The following LOXL2 variants were observed in gnomAD, a reference collection of about 807,000 sequenced individuals.
LOXL2 encodes lysyl oxidase homolog 2.
LOXL2 carries 70 observed loss-of-function variants against 93.0 expected under a neutral mutation model. The observed-to-expected ratio is 0.75, with a 90% CI of 0.62 to 0.92. The LOEUF (loss-of-function observed/expected upper bound fraction) is 0.92. LOXL2 is among the 40% of genes least tolerant of loss of function. The pLI, the probability that LOXL2 is intolerant of heterozygous loss-of-function variation, is 0.00. For synonymous variants in LOXL2, 438 were observed against 413.2 expected, an observed-to-expected ratio of 1.06 and a Z score of -0.73; for missense variants, 973 against 1,054.9, an observed-to-expected ratio of 0.92 and a Z score of 1.08.
intron 4 of LOXL2, among the ~76,000 whole-genome samples, chr8:23,335,361 TG>T (rs2117175059): frequency 6.6e-6 from 1 of 152,302 alleles, no homozygotes; most frequent in Admixed American, 6.5e-5. Context: ...GTGCCTGGCC[TG>T]TTGTGACAGT....
At chr8:23,361,693 TAGAC>T (rs1430463831) in intron 2 of LOXL2, among the ~76,000 whole-genome samples, 1 of 151,876 alleles carries the variant, frequency 6.6e-6, no homozygotes, top group African/African-American at 2.4e-5. Flanking sequence ...TACAAAAAAT[TAGAC>T]AGGCGTGGTG....
At chr8:23,383,859 A>G (rs1444224374) in intron 1 of LOXL2, among the ~76,000 whole-genome samples, 4 of 151,606 alleles carry the variant, frequency 2.6e-5, no homozygotes, top group Admixed American at 6.6e-5. Context: ...ACGGGGTTTC[A>G]CCGTGTTAGC....
At chr8:23,332,928 G>A (rs1394043367) in intron 5 of LOXL2, among the ~76,000 whole-genome samples, 1 of 148,492 alleles carries the variant, frequency 6.7e-6, no homozygotes, top group Non-Finnish European at 1.5e-5. Context: ...GAGGGGGGGT[G>A]TTTCACATAA....
At chr8:23,332,419 C>T (rs1803703543) in intron 5 of LOXL2, among the ~76,000 whole-genome samples, 1 of 141,486 alleles carries the variant, frequency 7.1e-6, no homozygotes, top group Non-Finnish European at 1.5e-5. Context: ...CACCGCCACA[C>T]ACCCACAAAC....
At chr8:23,308,057 T>C (rs922285892) in intron 10 of LOXL2, among the ~76,000 whole-genome samples, 9 of 149,762 alleles carry the variant, frequency 6.0e-5, no homozygotes, top group Non-Finnish European at 1.0e-4. Context: ...CGAGCCGGGA[T>C]TCCTGCTCTC....
At chr8:23,375,422 A>G (rs56195352) in intron 1 of LOXL2, among the ~76,000 whole-genome samples, 22,284 of 151,608 alleles carry the variant, frequency 0.15, 1,608 homozygotes, top group East Asian at 0.22. Context: ...TTGACTTGGC[A>G]ATGCAGGCTC....
rs1585338292 is a variant in LOXL2, at chr8:23,297,733, C to T, written c.*310G>A. 1.3e-5 allele frequency: 3 copies of T among 222,986 alleles called. No individual in the cohort carries two copies. The East Asian group carries it at 2.7e-4, about 20-fold the overall frequency. 13.8% of individuals were successfully genotyped at this position (222,986 alleles called of 1,614,324 possible). A position where few individuals can be genotyped will look rare whatever the true frequency, so the allele number is the denominator to read the frequency against. On this transcript the variant is annotated 3_prime_UTR_variant, in exon 14 of 14. Coordinates refer to ENST00000389131, the MANE Select transcript of LOXL2 (RefSeq NM_002318.3). ...GGTGAGCTCGGTGGCTTGAATGGGACAAGCTGATGACAACCTGTCTGTGGG... is the reference window on the plus strand; with the variant it reads ...GGTGAGCTCGGTGGCTTGAATGGGATAAGCTGATGACAACCTGTCTGTGGG...
intron 12 of LOXL2, among the ~76,000 whole-genome samples, chr8:23,300,852 C>A (rs1585339738): frequency 6.6e-6 from 1 of 152,210 alleles, no homozygotes; most frequent in East Asian, 1.9e-4. Context: ...AAAATGATAG[C>A]AAACCTCAAA....
At chr8:23,349,212 A>AT (rs1178275714) in intron 3 of LOXL2, among the ~76,000 whole-genome samples, 5 of 152,158 alleles carry the variant, frequency 3.3e-5, no homozygotes, top group African/African-American at 9.7e-5. Context: ...TAATGTCGTC[A>AT]TCTCACCTAG....
chr8:23,357,237 T>A (rs1436764462), intron 3 of LOXL2, among the ~76,000 whole-genome samples: 3 of 152,068 alleles, frequency 2.0e-5, no homozygotes, highest in African/African-American at 7.2e-5. Context: ...GCCTGGCTAA[T>A]TTCTGTATTT....
chr8:23,328,556 C>A lies in LOXL2; in HGVS notation c.976G>T (p.Val326Leu). ...RKAYKPEQPL[V>L]RLRGGAYIGE... Reference sequence around the variant, plus strand: ...ATGTAGGCACCGCCTCTCAGTCGCACCAGGGGTTGCTGAAGAGACACACGG... The same window carrying A: ...ATGTAGGCACCGCCTCTCAGTCGCAACAGGGGTTGCTGAAGAGACACACGG... The change falls in exon 6 of 14, where the codon GTG (valine) becomes TTG (leucine). Residue 326 changes from valine to leucine, a missense_variant. Physicochemically the swap from Val to Leu is conservative, Grantham distance 32 (BLOSUM62 1). Coordinates refer to ENST00000389131, the MANE Select transcript of LOXL2 (RefSeq NM_002318.3). 1.2e-6 allele frequency: 2 copies of A among 1,613,890 alleles called. No homozygotes were observed. Among genetic ancestry groups the A allele is most frequent in the South Asian group, 2.2e-5 (2 of 91,072 alleles).
At chr8:23,357,731 T>A (rs1312742776) in intron 3 of LOXL2, among the ~76,000 whole-genome samples, 2 of 152,164 alleles carry the variant, frequency 1.3e-5, no homozygotes, top group African/African-American at 4.8e-5. Context: ...AAGTAGATTA[T>A]CCTGAGGTTC....
intron 1 of LOXL2, among the ~76,000 whole-genome samples, chr8:23,390,375 G>T (rs540099429): frequency 1.3e-5 from 2 of 152,324 alleles, no homozygotes; most frequent in African/African-American, 4.8e-5. Flanking sequence ...GGCTTGGTCC[G>T]GGCTGTCTGA....
Position 23,309,707 on chromosome 8 carries a change from T to G in LOXL2, c.1841A>C (p.Lys614Thr), listed in dbSNP as rs768473695. 6 of 1,565,128 alleles carry G rather than the reference T, an allele frequency of 3.8e-6. No individual in the cohort carries two copies. In the South Asian group the frequency reaches 7.1e-5, roughly 18 times the overall value. ...HNNGQSDFRP[K>T]NGRHAWIWHD... Reference sequence around the variant, plus strand: ...CCAGATCCACGCGTGGCGGCCGTTCTTGGGCCGGAAGTCGGACTGGCCATT... The same window carrying G: ...CCAGATCCACGCGTGGCGGCCGTTCGTGGGCCGGAAGTCGGACTGGCCATT... Residue 614 changes from lysine (K) to threonine (T), a missense_variant, in exon 10 of 14, where the codon AAG (lysine) becomes ACG (threonine). Lys to Thr is a moderately conservative substitution (Grantham distance 78). Transcript: ENST00000389131.
chr8:23,373,985 A>T (rs529283695), intron 1 of LOXL2, among the ~76,000 whole-genome samples: 1 of 152,224 alleles, frequency 6.6e-6, no homozygotes, highest in South Asian at 2.1e-4. Flanking sequence ...GTTCTAGGGT[A>T]CATGTGCACA....
At chr8:23,381,959 T>C (rs927232050) in intron 1 of LOXL2, among the ~76,000 whole-genome samples, 2 of 152,236 alleles carry the variant, frequency 1.3e-5, no homozygotes, top group East Asian at 1.9e-4. Context: ...TAACAGGAGA[T>C]GCATGGCTCG....
intron 1 of LOXL2, among the ~76,000 whole-genome samples, chr8:23,382,857 G>T (rs1226823580): frequency 6.6e-6 from 1 of 152,050 alleles, no homozygotes; most frequent in African/African-American, 2.4e-5. Flanking sequence ...CTCTTCTCTG[G>T]GGTGGACCAT....
chr8:23,360,818 C>T (rs1186835973), intron 2 of LOXL2, among the ~76,000 whole-genome samples: 1 of 152,166 alleles, frequency 6.6e-6, no homozygotes, highest in Non-Finnish European at 1.5e-5. Context: ...CACCTTCCAT[C>T]CATAGCAGAG....
intron 1 of LOXL2, among the ~76,000 whole-genome samples, chr8:23,386,502 T>C (rs150141283): frequency 1.7e-3 from 255 of 152,330 alleles, no homozygotes; most frequent in African/African-American, 5.8e-3. Flanking sequence ...TTTGAGGACA[T>C]CTAGACTAAT....
Sources: gnomAD v4.1 joint callset for allele counts (sites outside exome capture counted in the v4.1 genomes callset) on GRCh38, gnomAD v4.1.1 for gene constraint, MANE v1.5 for transcripts, NCBI Gene and HGNC (gene_info 2026-07-23, HGNC 2026-07-21) for gene names.